The following BTNL8 variants were observed in gnomAD, a reference collection of about 807,000 sequenced individuals.
BTNL8 encodes the protein butyrophilin-like protein 8.
A neutral mutation model predicts 36.1 loss-of-function variants in BTNL8; 22 were observed. The ratio of observed to expected loss-of-function variants is 0.61; its 90% CI spans 0.44 to 0.87. The LOEUF (loss-of-function observed/expected upper bound fraction) is 0.87, where lower values mean the gene tolerates loss of function less well. Ranked by LOEUF, BTNL8 falls within the 40% of genes least tolerant of loss-of-function variation. The pLI is 0.00. For missense variants in BTNL8, 526 were observed against 616.9 expected (o/e 0.85, Z 1.56); for synonymous variants, 203 against 235.6 (o/e 0.86, Z 1.27).
At position 180,950,496 on chromosome 5, in the gene BTNL8, G is replaced by A. The variant is rs752224373; in HGVS notation, c.1455G>A (p.Glu485=). 9.6e-6 allele frequency: 14 copies of A among 1,463,546 alleles called. 4 individuals carry two copies. The East Asian group carries it at 1.2e-4, about 13-fold the overall frequency. The allele number at this position is 1,463,546 out of a possible 1,614,324, so 90.7% of individuals were successfully genotyped here. The change falls in exon 8 of 8, where the codon GAG becomes GAA. Residue 485 remains glutamate (E), a synonymous_variant. Coordinates refer to ENST00000340184, the MANE Select transcript of BTNL8 (RefSeq NM_001040462.3). ...ASAIPETSNS[E]SSSQATTPFL... is the part of the protein sequence containing the mutation. ...CAATCCCAGAGACAAGCAACAGTGA[G>A]TCCTCCTCACAGGCAACCACGCCCT...
chr5:180,927,141 C>T (rs764962826), intron 3 of BTNL8, among the ~76,000 whole-genome samples: 8 of 152,204 alleles, frequency 5.3e-5, no homozygotes, highest in Non-Finnish European at 1.2e-4. Context: ...GCAGCAATCT[C>T]TGCTGTTCTG....
At chr5:180,947,268 G>A (rs187497162) in intron 3 of BTNL8, among the ~76,000 whole-genome samples, 93 of 152,312 alleles carry the variant, frequency 6.1e-4, no homozygotes, top group African/African-American at 2.1e-3. Context: ...GATGCTGCAC[G>A]TATCAGTGTG....
chr5:180,942,147 A>G (rs1341567947), intron 3 of BTNL8, among the ~76,000 whole-genome samples: 1 of 152,186 alleles, frequency 6.6e-6, no homozygotes, highest in African/African-American at 2.4e-5. Flanking sequence ...CTACACACCA[A>G]TAACAAACTA....
At chr5:180,916,489 TAA>T (rs1457391757) in intron 3 of BTNL8, among the ~76,000 whole-genome samples, 1 of 151,374 alleles carries the variant, frequency 6.6e-6, no homozygotes, top group Non-Finnish European at 1.5e-5. Context: ...AGAGCAGAAA[TAA>T]ATGAAATAGA....
At chr5:180,915,852 C>A (rs186301864) in intron 3 of BTNL8, among the ~76,000 whole-genome samples, 220 of 152,228 alleles carry the variant, frequency 1.4e-3, no homozygotes, top group African/African-American at 4.9e-3. Flanking sequence ...ATGACAAAAC[C>A]AACTTTCAAT....
chr5:180,912,427 G>GTATA (rs3029603), intron 3 of BTNL8, among the ~76,000 whole-genome samples: 43 of 150,166 alleles, frequency 2.9e-4, no homozygotes, highest in African/African-American at 6.3e-4. Flanking sequence ...ACAACAGGAT[G>GTATA]TATATATATA....
At chr5:180,919,145 G>A (rs539509680) in intron 3 of BTNL8, among the ~76,000 whole-genome samples, 9 of 152,316 alleles carry the variant, frequency 5.9e-5, no homozygotes, top group African/African-American at 2.2e-4. Context: ...AATTCTTTCA[G>A]GGCCTGCTAT....
chr5:180,918,437 G>A (rs1466822476), intron 3 of BTNL8, among the ~76,000 whole-genome samples: 1 of 152,152 alleles, frequency 6.6e-6, no homozygotes, highest in African/African-American at 2.4e-5. Flanking sequence ...CAAACGCAGA[G>A]AAAGCATTTG....
At chr5:180,901,202 T>C (rs1750969969) in intron 1 of BTNL8, among the ~76,000 whole-genome samples, 1 of 152,234 alleles carries the variant, frequency 6.6e-6, no homozygotes, top group Non-Finnish European at 1.5e-5. Context: ...TAAAATGTAA[T>C]TAAACTAAAA....
intron 1 of BTNL8, among the ~76,000 whole-genome samples, chr5:180,900,940 G>T (rs1336757872): frequency 6.6e-6 from 1 of 152,216 alleles, no homozygotes; most frequent in Non-Finnish European, 1.5e-5. Flanking sequence ...TTGTGCCAGG[G>T]CTAAGTAGGT....
At chr5:180,923,346 A>G (rs1757955770) in intron 3 of BTNL8, among the ~76,000 whole-genome samples, 1 of 152,168 alleles carries the variant, frequency 6.6e-6, no homozygotes, top group Admixed American at 6.5e-5. Context: ...TGGGATATGT[A>G]TATTTATGTA....
chr5:180,928,507 G>T (rs992631202), intron 3 of BTNL8, among the ~76,000 whole-genome samples: 2 of 152,158 alleles, frequency 1.3e-5, no homozygotes, highest in African/African-American at 4.8e-5. Flanking sequence ...CCAGTTAAAA[G>T]ACATAGACTG....
At position 180,943,130 on chromosome 5, in the gene BTNL8, C is replaced by CTTT. The variant is rs35271643; in HGVS notation, c.674-4362_674-4360dup. ...ATCCAATCACAAAAGGGAAGATAGA[C>CTTT]TTTTTTTTTTTTTTTTTTTTTTGAG... On this transcript the variant is annotated intron_variant, in intron 3 of 7. Coordinates refer to ENST00000340184, the MANE Select transcript of BTNL8 (RefSeq NM_001040462.3). Among the ~76,000 whole-genome samples the CTTT allele has an allele frequency of 4.1e-3, 411 of 100,578 alleles. 13 individuals are homozygous for CTTT. Among genetic ancestry groups the CTTT allele is most frequent in the African/African-American group, 9.2e-3 (232 of 25,282 alleles). The allele number at this position is 100,578 out of a possible 152,430, so 66.0% of individuals were successfully genotyped here.
intron 2 of BTNL8, among the ~76,000 whole-genome samples, chr5:180,910,628 T>G (rs763365356): frequency 1.3e-5 from 2 of 152,188 alleles, no homozygotes; most frequent in African/African-American, 2.4e-5. Context: ...CTTTCCTACT[T>G]TCTCTAATAA....
rs762722699 is a variant in BTNL8 at position 180,940,617 on chromosome 5, T to A, written c.674-6895T>A. ...GACAAAAGACCAACAAAATAAGAGT[T>A]TGTGTTTTGAAAAGATAAAATTGAC... On this transcript the variant is annotated intron_variant, in intron 3 of 7. Coordinates refer to ENST00000340184, the MANE Select transcript of BTNL8 (RefSeq NM_001040462.3). Among the ~76,000 whole-genome samples the A allele has an allele frequency of 2.0e-5, 3 of 152,058 alleles. No individual in the cohort carries two copies. The East Asian group carries it at 5.8e-4, about 29-fold the overall frequency.
intron 3 of BTNL8, among the ~76,000 whole-genome samples, chr5:180,932,460 C>T (rs7711851): frequency 0.03 from 4,506 of 152,298 alleles, 150 homozygotes; most frequent in African/African-American, 0.073. Flanking sequence ...CATTCTCCTG[C>T]CTCAGTCTCC....
chr5:180,920,732 A>G (rs1757826951), intron 3 of BTNL8, among the ~76,000 whole-genome samples: 1 of 152,082 alleles, frequency 6.6e-6, no homozygotes, highest in Admixed American at 6.6e-5. Context: ...AGACACTCAT[A>G]CAACTCAATA....
intron 6 of BTNL8, 42 bp from the exon 7 acceptor site, chr5:180,949,197 C>T: frequency 6.9e-7 from 1 of 1,447,094 alleles, no homozygotes; most frequent in South Asian, 1.1e-5. Context: ...CCCTGTTTCC[C>T]ACGTGAGCAC....
At position 180,949,617 on chromosome 5, in the gene BTNL8, C is replaced by T. The variant is rs1759451292; in HGVS notation, c.863-287C>T. On this transcript the variant is annotated intron_variant, in intron 7 of 7. Transcript: ENST00000340184. ...GGGAGGAAGTTAGATAGTGGGGTCC[C>T]TCCAGCTCTTATGAATCAAATAGTT... 5.6e-6 allele frequency: 3 copies of T among 535,094 alleles called. 1 individual carries two copies. The highest frequency in any genetic ancestry group is 6.6e-6 in the Non-Finnish European group (2 of 303,904). 33.1% of individuals were successfully genotyped at this position (535,094 alleles called of 1,614,324 possible). A position where few individuals can be genotyped will look rare whatever the true frequency, so the allele number is the denominator to read the frequency against.
Sources: allele counts gnomAD v4.1 joint callset (sites outside exome capture counted in the v4.1 genomes callset), GRCh38; gene constraint gnomAD v4.1.1; transcripts MANE v1.5; gene names NCBI Gene and HGNC (gene_info 2026-07-23, HGNC 2026-07-21).